CACNA1D: variants seen among roughly 807,000 people sequenced by gnomAD.
CACNA1D encodes the protein calcium voltage-gated channel subunit alpha1 D, also known as voltage-dependent L-type calcium channel subunit alpha-1D.
A neutral mutation model predicts 257.1 loss-of-function variants in CACNA1D; 55 were observed. The ratio of observed to expected loss-of-function variants is 0.21; its 90% CI spans 0.17 to 0.27. The LOEUF (loss-of-function observed/expected upper bound fraction) is 0.27, where lower values mean the gene tolerates loss of function less well. Ranked by LOEUF, CACNA1D falls within the 10% of genes least tolerant of loss-of-function variation. CACNA1D has a pLI of 1.00. For missense variants in CACNA1D, 1,876 were observed against 2,784.0 expected, an observed-to-expected ratio of 0.67 and a Z score of 7.34; for synonymous variants, 980 against 1,014.9, an observed-to-expected ratio of 0.97 and a Z score of 0.65.
chr3:53,758,144 G>A (rs1292368204), intron 29 of CACNA1D, among the ~76,000 whole-genome samples: 1 of 152,174 alleles, frequency 6.6e-6, no homozygotes, highest in Non-Finnish European at 1.5e-5. Flanking sequence ...AGGGTATCTG[G>A]GTAGAGCAGA....
rs1290890968 is a variant in CACNA1D at position 53,812,480 on chromosome 3, T to C, written c.*1074T>C. The C allele has an allele frequency of 1.3e-5, 2 of 152,248 alleles. No homozygotes were observed. The highest frequency in any genetic ancestry group is 2.9e-5 in the Non-Finnish European group (2 of 68,044). 9.4% of individuals were successfully genotyped at this position (152,248 alleles called of 1,614,324 possible). ...TCCACAAGATATACCAGATGACTATTTGCAGTCTTTTCTTTGGGCAAGAGT... is the reference window on the plus strand; with the variant it reads ...TCCACAAGATATACCAGATGACTATCTGCAGTCTTTTCTTTGGGCAAGAGT... On this transcript the variant is annotated 3_prime_UTR_variant, in exon 48 of 48. Transcript: ENST00000350061.
intron 3 of CACNA1D, among the ~76,000 whole-genome samples, chr3:53,630,606 A>G (rs138778781): frequency 3.3e-5 from 5 of 152,346 alleles, no homozygotes; most frequent in African/African-American, 9.6e-5. Flanking sequence ...TTAGAAATTA[A>G]CAAGTCATGA....
intron 3 of CACNA1D, among the ~76,000 whole-genome samples, chr3:53,555,682 T>C (rs1358565694): frequency 6.6e-6 from 1 of 152,090 alleles, no homozygotes; most frequent in Non-Finnish European, 1.5e-5. Context: ...CAGTTGCGCC[T>C]GACCTTTTGG....
intron 8 of CACNA1D, among the ~76,000 whole-genome samples, chr3:53,701,203 A>C (rs933283059): frequency 1.9e-4 from 29 of 152,178 alleles, no homozygotes; most frequent in Admixed American, 1.4e-3. Flanking sequence ...ATGCAGTGGC[A>C]TGAACTTGGC....
At chr3:53,667,034 G>A (rs1196513441) in intron 7 of CACNA1D, among the ~76,000 whole-genome samples, 4 of 152,104 alleles carry the variant, frequency 2.6e-5, no homozygotes, top group African/African-American at 9.7e-5. Flanking sequence ...TAAACCCAGT[G>A]TGAGTTTCTC....
intron 43 of CACNA1D, among the ~76,000 whole-genome samples, chr3:53,802,590 C>A (rs1324838197): frequency 6.6e-6 from 1 of 152,234 alleles, no homozygotes; most frequent in Non-Finnish European, 1.5e-5. Context: ...TTGTCATTTT[C>A]CCTGTAGCCC....
chr3:53,671,748 T>A (rs2094325279), intron 7 of CACNA1D, among the ~76,000 whole-genome samples: 1 of 152,216 alleles, frequency 6.6e-6, no homozygotes, highest in East Asian at 1.9e-4. Context: ...TTTTTAATGT[T>A]CACTTTCCCT....
chr3:53,652,989 G>C (rs1490046699), intron 4 of CACNA1D, among the ~76,000 whole-genome samples: 1 of 152,206 alleles, frequency 6.6e-6, no homozygotes, highest in African/African-American at 2.4e-5. Flanking sequence ...GGTGGCTCAT[G>C]CCTATAATCC....
chr3:53,584,004 T>G (rs2093173607), intron 3 of CACNA1D, among the ~76,000 whole-genome samples: 1 of 152,214 alleles, frequency 6.6e-6, no homozygotes, highest in Non-Finnish European at 1.5e-5. Context: ...TTTAAGGTGA[T>G]GAGCCAAGTC....
chr3:53,742,217 C>T (rs1009995260), intron 21 of CACNA1D, among the ~76,000 whole-genome samples: 47 of 152,340 alleles, frequency 3.1e-4, no homozygotes, highest in African/African-American at 1.1e-3. Context: ...ATATTTCCCA[C>T]CTCTACCTCT....
intron 30 of CACNA1D, chr3:53,766,097 G>A (rs1435937007): frequency 6.6e-6 from 1 of 152,370 alleles, no homozygotes; most frequent in Middle Eastern, 3.4e-3. Context: ...TTTAGAAGCT[G>A]TATCTGCCTT....
intron 29 of CACNA1D, among the ~76,000 whole-genome samples, chr3:53,755,722 G>A (rs2095259946): frequency 6.6e-6 from 1 of 152,100 alleles, no homozygotes; most frequent in African/African-American, 2.4e-5. Context: ...GCCAGGGGAG[G>A]TTGAGTTTAT....
chr3:53,584,889 G>T (rs1013022302), intron 3 of CACNA1D, among the ~76,000 whole-genome samples: 15 of 152,120 alleles, frequency 9.9e-5, no homozygotes, highest in African/African-American at 3.6e-4. Context: ...AATCTAGAGT[G>T]GTGGGAGGGT....
At chr3:53,629,197 T>A (rs2093794720) in intron 3 of CACNA1D, among the ~76,000 whole-genome samples, 1 of 152,204 alleles carries the variant, frequency 6.6e-6, no homozygotes, top group Non-Finnish European at 1.5e-5. Flanking sequence ...GGCCATAATT[T>A]GCCAACCCCT....
chr3:53,599,450 TGCTTTTTGAAAGAGATAAAA>T (rs1203506024), intron 3 of CACNA1D, among the ~76,000 whole-genome samples: 1 of 152,184 alleles, frequency 6.6e-6, no homozygotes, highest in Non-Finnish European at 1.5e-5. Context: ...GCTTTGCTTT[TGCTTTTTGAAAGAGATAAAA>T]GCTTAGACAT....
intron 9 of CACNA1D, chr3:53,710,463 A>G: frequency 2.2e-6 from 1 of 456,786 alleles, no homozygotes; most frequent in Non-Finnish European, 4.4e-6. Context: ...TCGGCAACGC[A>G]GGGCTAAAGA....
At chr3:53,605,873 G>A (rs1474016278) in intron 3 of CACNA1D, among the ~76,000 whole-genome samples, 1 of 152,170 alleles carries the variant, frequency 6.6e-6, no homozygotes, top group African/African-American at 2.4e-5. Flanking sequence ...GAGGCCCTGG[G>A]TCCCAGGACC....
intron 15 of CACNA1D, among the ~76,000 whole-genome samples, chr3:53,729,798 G>A (rs956020138): frequency 1.3e-5 from 2 of 152,154 alleles, no homozygotes; most frequent in Non-Finnish European, 1.5e-5. Flanking sequence ...ATCAAAGATC[G>A]AGCTGCAGTG....
rs141377406 is a variant in CACNA1D at position 53,710,515 on chromosome 3, A to G, written c.1390+7705A>G. On this transcript the variant is annotated intron_variant, in intron 9 of 47. Coordinates refer to ENST00000350061, the MANE Select transcript of CACNA1D (RefSeq NM_001128840.3). ...AGACTGAGCTTTCTTTTTCCGCAAC[A>G]TCTCTGATACCTTTTCCTTGCACAT... 1.8e-3 allele frequency: 806 copies of G among 456,516 alleles called. 6 individuals are homozygous for G. The highest frequency in any genetic ancestry group is 0.014 in the African/African-American group (727 of 50,192). The allele number at this position is 456,516 out of a possible 1,614,324, so 28.3% of individuals were successfully genotyped here.
Sources: allele counts gnomAD v4.1 joint callset (sites outside exome capture counted in the v4.1 genomes callset), GRCh38; gene constraint gnomAD v4.1.1; transcripts MANE v1.5; gene names NCBI Gene and HGNC (gene_info 2026-07-23, HGNC 2026-07-21).